TIPRL: variants seen among roughly 807,000 people sequenced by gnomAD.
The protein encoded by TIPRL is TIP41-like protein.
Under a neutral mutation model 32.3 loss-of-function variants are expected in TIPRL, and 10 were observed. That is an observed-to-expected ratio of 0.31 (90% CI 0.19 to 0.52). The LOEUF (loss-of-function observed/expected upper bound fraction) is 0.52. TIPRL is among the 20% of genes least tolerant of loss of function. TIPRL has a pLI of 0.96. For synonymous variants in TIPRL, 100 were observed against 114.0 expected (o/e 0.88, Z 0.78); for missense variants, 250 against 328.1 (o/e 0.76, Z 1.84).
intron 1 of TIPRL, 115 bp from the exon 2 acceptor site, chr1:168,183,787 A>T (rs1699995030): frequency 4.7e-6 from 5 of 1,072,600 alleles, no homozygotes; most frequent in Non-Finnish European, 6.8e-6. Context: ...TATTGATTAA[A>T]TCATGTGCTG....
intron 4 of TIPRL, among the ~76,000 whole-genome samples, chr1:168,191,888 A>G (rs1047569385): frequency 1.3e-5 from 2 of 150,732 alleles, no homozygotes; most frequent in African/African-American, 4.9e-5. Context: ...AAAGAATAAC[A>G]CTGAGCTTTA....
intron 3 of TIPRL, among the ~76,000 whole-genome samples, chr1:168,188,983 GA>G (rs11445431): frequency 3.0e-4 from 43 of 145,182 alleles, no homozygotes; most frequent in South Asian, 6.5e-4. Context: ...TCTGTCTCAA[GA>G]AAAAAAAAAA....
chr1:168,180,820 C>CTTTTTTTTTTTTTTTTTTTTTTTT (rs71118909), intron 1 of TIPRL, among the ~76,000 whole-genome samples: 1 of 124,166 alleles, frequency 8.1e-6, no homozygotes. Context: ...TTTTTTATAA[C>CTTTTTTTTTTTTTTTTTTTTTTTT]TTTTTTTTTT....
chr1:168,195,621 C>T (rs1441713391), intron 4 of TIPRL, among the ~76,000 whole-genome samples: 1 of 152,196 alleles, frequency 6.6e-6, no homozygotes, highest in Non-Finnish European at 1.5e-5. Flanking sequence ...GTTGCCCAGG[C>T]TGGAGTGCAG....
At position 168,200,208 on chromosome 1, in the gene TIPRL, A is replaced by G; in HGVS notation, c.*162A>G. ...GATCGTTACAGGCAGGTTTCACTCAACTGCTGTTTGTACTGTCTGTCTTCA... is the reference window on the plus strand; with the variant it reads ...GATCGTTACAGGCAGGTTTCACTCAGCTGCTGTTTGTACTGTCTGTCTTCA... On this transcript the variant is annotated 3_prime_UTR_variant, in exon 7 of 7. Coordinates refer to ENST00000367833, the MANE Select transcript of TIPRL (RefSeq NM_152902.5). The G allele has an allele frequency of 4.4e-6, 3 of 675,504 alleles. No individual in the cohort carries two copies. Among genetic ancestry groups the G allele is most frequent in the Middle Eastern group, 4.1e-4 (1 of 2,424 alleles). 41.8% of individuals were successfully genotyped at this position (675,504 alleles called of 1,614,324 possible).
chr1:168,192,086 T>A lies in TIPRL; in HGVS notation c.516+586T>A, dbSNP rs985634269. On this transcript the variant is annotated intron_variant, in intron 4 of 6. Coordinates refer to ENST00000367833, the MANE Select transcript of TIPRL (RefSeq NM_152902.5). Reference sequence around the variant, plus strand: ...TCTAATGAAGACTGTGGCTTAATTTTCACATTTTGGATTAAAAATGATGTT... The same window carrying A: ...TCTAATGAAGACTGTGGCTTAATTTACACATTTTGGATTAAAAATGATGTT... The A allele has an allele frequency of 6.9e-6, 8 of 1,163,044 alleles. No individual in the cohort carries two copies. In the African/African-American group the frequency reaches 1.3e-4, roughly 19 times the overall value. 72.0% of individuals were successfully genotyped at this position (1,163,044 alleles called of 1,614,324 possible). A position where few individuals can be genotyped will look rare whatever the true frequency, so the allele number is the denominator to read the frequency against.
At chr1:168,192,494 C>A in intron 4 of TIPRL, 1 of 852,052 alleles carries the variant, frequency 1.2e-6, no homozygotes, top group Non-Finnish European at 1.4e-6. Flanking sequence ...TTACTAAATG[C>A]CTCATTCTTT....
rs1438115101 is a variant in TIPRL, at chr1:168,179,149, G to T, written c.72G>T (p.Lys24Asn). ...CFGPWKLTAS[K>N]THIMKSADVE... ...GGCCCTGGAAGCTGACGGCGTCCAA[G>T]ACCCACATCATGAAGTCGGCGGATG... The change falls in exon 1 of 7, where the codon AAG becomes AAT. Residue 24 changes from lysine to asparagine, a missense_variant. Coordinates refer to ENST00000367833, the MANE Select transcript of TIPRL (RefSeq NM_152902.5). 1.2e-6 allele frequency: 2 copies of T among 1,614,070 alleles called. No homozygotes were observed. The highest frequency in any genetic ancestry group is 1.7e-6 in the Non-Finnish European group (2 of 1,179,964).
intron 3 of TIPRL, among the ~76,000 whole-genome samples, chr1:168,187,818 G>T (rs1444573172): frequency 6.6e-6 from 1 of 152,000 alleles, no homozygotes; most frequent in Non-Finnish European, 1.5e-5. Context: ...ACAAAAAATA[G>T]AAAAATTGGC....
chr1:168,199,785 T>C, intron 6 of TIPRL, 118 bp from the exon 7 acceptor site: 1 of 909,852 alleles, frequency 1.1e-6, no homozygotes, highest in East Asian at 2.6e-5. Flanking sequence ...GGAGCACATA[T>C]GCATATATTG....
intron 3 of TIPRL, among the ~76,000 whole-genome samples, chr1:168,187,350 G>A (rs920036501): frequency 1.3e-5 from 2 of 152,196 alleles, no homozygotes; most frequent in Non-Finnish European, 2.9e-5. Flanking sequence ...GCCTCCTGGA[G>A]GTTATGAAGC....
intron 4 of TIPRL, chr1:168,192,460 C>T (rs1299700396): frequency 7.1e-6 from 7 of 979,890 alleles, no homozygotes; most frequent in Non-Finnish European, 8.5e-6. Flanking sequence ...TAATACTTTC[C>T]AGAAATAACT....
intron 3 of TIPRL, 38 bp from the exon 4 acceptor site, chr1:168,191,331 T>G: frequency 6.7e-7 from 1 of 1,502,968 alleles, no homozygotes; most frequent in Non-Finnish European, 8.8e-7. Flanking sequence ...CCTCAACTTT[T>G]TTTTTAATGT....
At chr1:168,189,072 G>A (rs986831678) in intron 3 of TIPRL, among the ~76,000 whole-genome samples, 1 of 152,068 alleles carries the variant, frequency 6.6e-6, no homozygotes, top group East Asian at 1.9e-4. Flanking sequence ...CAGGGTCCTT[G>A]TCCTTAGTGA....
In TIPRL at chr1:168,199,892, G is replaced by A. The variant is rs369812930; in HGVS notation, c.676-11G>A. 3.1e-6 allele frequency: 5 copies of A among 1,609,212 alleles called. No homozygotes were observed. Among genetic ancestry groups the A allele is most frequent in the African/African-American group, 2.7e-5 (2 of 74,700 alleles). Reference sequence around the variant, plus strand: ...AACTGAATATGCTAATATGATTTATGTATTTCCTAGCATGTTCCACCTTCC... The same window carrying A: ...AACTGAATATGCTAATATGATTTATATATTTCCTAGCATGTTCCACCTTCC... On this transcript the variant is annotated splice_polypyrimidine_tract_variant and intron_variant, in intron 6 of 6. Coordinates refer to ENST00000367833, the MANE Select transcript of TIPRL (RefSeq NM_152902.5).
At chr1:168,196,718 T>C (rs561265695) in intron 5 of TIPRL, 76 bp downstream of exon 5, 11 of 1,069,166 alleles carry the variant, frequency 1.0e-5, no homozygotes, top group Non-Finnish European at 1.2e-5. Context: ...ATCTGAGAAT[T>C]TGAAATTAAA....
chr1:168,184,142 G>T (rs756859054), intron 2 of TIPRL, 61 bp downstream of exon 2: 21 of 1,470,480 alleles, frequency 1.4e-5, no homozygotes, highest in African/African-American at 2.8e-5. Context: ...AAAGAGAAAA[G>T]ACTTGAAAAA....
At position 168,194,678 on chromosome 1, in the gene TIPRL, C is replaced by CT. The variant is rs1171849152; in HGVS notation, c.517-1861dup. On this transcript the variant is annotated intron_variant, in intron 4 of 6. Transcript: ENST00000367833. ...TCTACAGCTTTCCTTTACTAAAAGT[C>CT]TTTTTTTTAAGTCTGTTGCTGATAA... 3.3e-5 allele frequency among the ~76,000 whole-genome samples: 5 copies of CT among 151,982 alleles called. No individual in the cohort carries two copies. The South Asian group carries it at 6.2e-4, about 19-fold the overall frequency.
At position 168,179,013 on chromosome 1, in the gene TIPRL, C is replaced by T. The variant is rs1010785388; in HGVS notation, c.-65C>T. 1.4e-6 allele frequency: 2 copies of T among 1,426,276 alleles called. No homozygotes were observed. The highest frequency in any genetic ancestry group is 2.5e-5 in the East Asian group (1 of 40,770). 88.4% of individuals were successfully genotyped at this position (1,426,276 alleles called of 1,614,324 possible). A position where few individuals can be genotyped will look rare whatever the true frequency, so the allele number is the denominator to read the frequency against. ...GCTGGGCCGGAGGGAGGCGGAGGAA[C>T]CGGTGTTCGCCGCCGCCGCTGCTTC... On this transcript the variant is annotated 5_prime_UTR_variant, in exon 1 of 7. Coordinates refer to ENST00000367833, the MANE Select transcript of TIPRL (RefSeq NM_152902.5).
Sources: allele counts gnomAD v4.1 joint callset (sites outside exome capture counted in the v4.1 genomes callset), GRCh38; gene constraint gnomAD v4.1.1; transcripts MANE v1.5; gene names NCBI Gene and HGNC (gene_info 2026-07-23, HGNC 2026-07-21).